The following CELF4 variants were observed in gnomAD, a reference collection of about 807,000 sequenced individuals.
The protein encoded by CELF4 is CUG-BP- and ETR-3-like factor 4.
In CELF4, 18 loss-of-function variants were observed where a neutral mutation model predicts 59.9. The observed-to-expected ratio is 0.30, with a 90% CI of 0.21 to 0.45. The LOEUF (loss-of-function observed/expected upper bound fraction) is 0.45, where lower values mean the gene tolerates loss of function less well. Ranked by LOEUF, CELF4 falls within the 20% of genes least tolerant of loss-of-function variation. The pLI, the probability that CELF4 is intolerant of heterozygous loss-of-function variation, is 1.00. For missense variants in CELF4, 456 were observed against 689.0 expected (o/e 0.66, Z 3.79); for synonymous variants, 261 against 267.1 (o/e 0.98, Z 0.22).
intron 2 of CELF4, among the ~76,000 whole-genome samples, chr18:37,349,898 G>A (rs985479472): frequency 1.3e-5 from 2 of 152,188 alleles, no homozygotes; most frequent in East Asian, 1.9e-4. Flanking sequence ...GAAAAGGGGA[G>A]CCGGCCAGAG....
intron 1 of CELF4, among the ~76,000 whole-genome samples, chr18:37,527,836 A>G (rs764721666): frequency 1.4e-4 from 22 of 152,226 alleles, no homozygotes; most frequent in Non-Finnish European, 2.9e-4. Flanking sequence ...CTGACCTTCT[A>G]TAGGCCCACA....
chr18:37,332,897 G>A (rs1468791405), intron 2 of CELF4, among the ~76,000 whole-genome samples: 4 of 152,192 alleles, frequency 2.6e-5, no homozygotes, highest in South Asian at 4.1e-4. Flanking sequence ...CAAGCCCCAC[G>A]TCCATCTTGC....
chr18:37,531,090 T>G (rs2099969183), intron 1 of CELF4, among the ~76,000 whole-genome samples: 1 of 151,958 alleles, frequency 6.6e-6, no homozygotes, highest in African/African-American at 2.4e-5. Context: ...GTCACAGGCT[T>G]GTCGGTGGCT....
At chr18:37,507,743 A>T (rs566314394) in intron 1 of CELF4, among the ~76,000 whole-genome samples, 1 of 152,286 alleles carries the variant, frequency 6.6e-6, no homozygotes, top group South Asian at 2.1e-4. Context: ...AGCGGCTCCC[A>T]CTGTGGCATG....
chr18:37,273,699 G>A, intron 6 of CELF4: 2 of 987,426 alleles, frequency 2.0e-6, no homozygotes, highest in Non-Finnish European at 2.4e-6. Flanking sequence ...CAGAAGTGAG[G>A]TAAGCTTGCA....
chr18:37,435,094 C>G (rs748706220), intron 2 of CELF4, among the ~76,000 whole-genome samples: 1 of 152,120 alleles, frequency 6.6e-6, no homozygotes, highest in Non-Finnish European at 1.5e-5. Context: ...CCTGGGTTCC[C>G]CTTTGGGGGT....
At chr18:37,507,770 C>T (rs1277247114) in intron 1 of CELF4, among the ~76,000 whole-genome samples, 4 of 152,340 alleles carry the variant, frequency 2.6e-5, no homozygotes, top group Non-Finnish European at 2.9e-5. Flanking sequence ...TCTCATCTCT[C>T]AGACACACAG....
At chr18:37,255,167 G>A (rs1345101557) in intron 11 of CELF4, among the ~76,000 whole-genome samples, 4 of 152,090 alleles carry the variant, frequency 2.6e-5, no homozygotes, top group East Asian at 1.9e-4. Flanking sequence ...TGCCCGTTGC[G>A]TAATGGTCCC....
chr18:37,367,699 T>TC (rs2098803237), intron 2 of CELF4, among the ~76,000 whole-genome samples: 1 of 151,720 alleles, frequency 6.6e-6, no homozygotes, highest in African/African-American at 2.4e-5. Flanking sequence ...TTCTTTCTTT[T>TC]TTTTTTTTCT....
chr18:37,344,448 T>A (rs2098174321), intron 2 of CELF4, among the ~76,000 whole-genome samples: 1 of 152,208 alleles, frequency 6.6e-6, no homozygotes, highest in South Asian at 2.1e-4. Flanking sequence ...GTACAGTGGC[T>A]CCCTGGGTTT....
intron 2 of CELF4, among the ~76,000 whole-genome samples, chr18:37,381,503 A>T (rs1207353810): frequency 2.6e-5 from 4 of 151,984 alleles, no homozygotes; most frequent in Admixed American, 6.6e-5. Flanking sequence ...CCTTGCAGGC[A>T]CCCTAGGGTA....
chr18:37,358,719 C>T (rs897232921), intron 2 of CELF4, among the ~76,000 whole-genome samples: 6 of 152,196 alleles, frequency 3.9e-5, no homozygotes, highest in African/African-American at 1.4e-4. Context: ...GTAGTCCCTC[C>T]CTCAGGTTGC....
At chr18:37,410,375 C>T (rs943320883) in intron 2 of CELF4, among the ~76,000 whole-genome samples, 11 of 152,232 alleles carry the variant, frequency 7.2e-5, no homozygotes, top group African/African-American at 2.7e-4. Context: ...GGCCAGAGGC[C>T]TGGGCCTCCA....
intron 3 of CELF4, among the ~76,000 whole-genome samples, chr18:37,282,046 C>T (rs1347991300): frequency 2.0e-5 from 3 of 152,192 alleles, no homozygotes; most frequent in Admixed American, 6.5e-5. Flanking sequence ...GCTGTGCAGG[C>T]TCAGGCAAGG....
At chr18:37,561,033 T>C (rs1030591412) in intron 1 of CELF4, among the ~76,000 whole-genome samples, 2 of 152,172 alleles carry the variant, frequency 1.3e-5, no homozygotes, top group African/African-American at 4.8e-5. Flanking sequence ...AAATAGAAGA[T>C]TGTGCATGTG....
At chr18:37,255,379 T>C (rs1046609852) in intron 11 of CELF4, among the ~76,000 whole-genome samples, 1 of 151,944 alleles carries the variant, frequency 6.6e-6, no homozygotes, top group Non-Finnish European at 1.5e-5. Context: ...ATCGTCTCTT[T>C]CTTTCTCTCC....
intron 1 of CELF4, among the ~76,000 whole-genome samples, chr18:37,525,703 A>C (rs2099963125): frequency 6.6e-6 from 1 of 152,056 alleles, no homozygotes; most frequent in Non-Finnish European, 1.5e-5. Flanking sequence ...ATGACAAGAG[A>C]ATGGGATTCA....
chr18:37,291,628 G>A (rs777949743), intron 3 of CELF4, among the ~76,000 whole-genome samples: 7 of 152,126 alleles, frequency 4.6e-5, no homozygotes, highest in Non-Finnish European at 7.3e-5. Flanking sequence ...TGAGGGCCTG[G>A]GCATGAGGCC....
At chr18:37,465,104 G>T (rs969470122) in intron 2 of CELF4, among the ~76,000 whole-genome samples, 5 of 152,084 alleles carry the variant, frequency 3.3e-5, no homozygotes, top group Non-Finnish European at 5.9e-5. Flanking sequence ...GCTCTGGGAC[G>T]GCCAGTGTCT....
Sources: allele counts gnomAD v4.1 joint callset (sites outside exome capture counted in the v4.1 genomes callset), GRCh38; gene constraint gnomAD v4.1.1; transcripts MANE v1.5; gene names NCBI Gene and HGNC (gene_info 2026-07-23, HGNC 2026-07-21).